Variants in PIP4K2A observed in about 807,000 individuals in gnomAD.
The protein encoded by PIP4K2A is phosphatidylinositol 5-phosphate 4-kinase type-2 alpha.
In PIP4K2A, 14 loss-of-function variants were observed where a neutral mutation model predicts 42.9. The observed-to-expected ratio is 0.33, with a 90% CI of 0.22 to 0.51. The LOEUF is 0.51. Ranked by LOEUF, PIP4K2A falls within the 20% of genes least tolerant of loss-of-function variation. The pLI is 0.97. For missense variants in PIP4K2A, 434 were observed against 519.8 expected, an observed-to-expected ratio of 0.83 and a Z score of 1.61; for synonymous variants, 192 against 192.2, an observed-to-expected ratio of 1.00 and a Z score of 0.01.
At chr10:22,610,455 G>A (rs1447836072) in intron 1 of PIP4K2A, among the ~76,000 whole-genome samples, 1 of 152,242 alleles carries the variant, frequency 6.6e-6, no homozygotes, top group Non-Finnish European at 1.5e-5. Context: ...TTTCCTTGTT[G>A]CTAGCAATAA....
chr10:22,647,861 C>T (rs1446350512), intron 1 of PIP4K2A, among the ~76,000 whole-genome samples: 2 of 152,138 alleles, frequency 1.3e-5, no homozygotes, highest in East Asian at 3.8e-4. Context: ...TCACCATTAG[C>T]CCTGGAAGCA....
At position 22,664,206 on chromosome 10, in the gene PIP4K2A, TATATATATATAC is replaced by T. The variant is rs1267052761; in HGVS notation, c.144+49965_144+49976del. ...ACATATATATACATATATATATACA[TATATATATATAC>T]ATATATATATACACACACACACACA... On this transcript the variant is annotated intron_variant, in intron 1 of 9. Transcript: ENST00000376573. Among the ~76,000 whole-genome samples, 47 of 45,948 alleles carry T rather than the reference TATATATATATAC, an allele frequency of 1.0e-3. 7 individuals are homozygous for T. Among genetic ancestry groups the T allele is most frequent in the African/African-American group, 5.8e-3 (45 of 7,732 alleles). 30.1% of individuals were successfully genotyped at this position (45,948 alleles called of 152,430 possible).
chr10:22,583,057 A>G (rs1332557978), intron 4 of PIP4K2A, among the ~76,000 whole-genome samples: 1 of 152,252 alleles, frequency 6.6e-6, no homozygotes, highest in Non-Finnish European at 1.5e-5. Context: ...CTTATTACTG[A>G]GATATGCAGA....
intron 7 of PIP4K2A, among the ~76,000 whole-genome samples, chr10:22,546,383 C>G (rs1375582527): frequency 3.3e-5 from 5 of 152,044 alleles, no homozygotes; most frequent in African/African-American, 9.7e-5. Context: ...TATGGAAAAG[C>G]CTGTTAATTC....
chr10:22,576,220 T>C (rs1449455310), intron 4 of PIP4K2A, among the ~76,000 whole-genome samples: 1 of 152,172 alleles, frequency 6.6e-6, no homozygotes, highest in Admixed American at 6.5e-5. Context: ...GGGGAAGCAC[T>C]GGGAAAAGGG....
intron 1 of PIP4K2A, among the ~76,000 whole-genome samples, chr10:22,627,894 T>C (rs1210469496): frequency 2.0e-5 from 3 of 152,172 alleles, no homozygotes; most frequent in Middle Eastern, 3.2e-3. Context: ...GAGAGAAAAG[T>C]TGGCCTATGG....
chr10:22,549,106 G>A (rs1588617830), intron 7 of PIP4K2A, among the ~76,000 whole-genome samples: 1 of 152,052 alleles, frequency 6.6e-6, no homozygotes, highest in East Asian at 1.9e-4. Flanking sequence ...CAATATATAG[G>A]TTCTAATCCA....
intron 9 of PIP4K2A, among the ~76,000 whole-genome samples, chr10:22,539,271 T>C (rs1457112998): frequency 6.6e-6 from 1 of 152,218 alleles, no homozygotes; most frequent in East Asian, 1.9e-4. Flanking sequence ...CCTGAAGCTA[T>C]TTTCCTCAGT....
rs368881753 is a variant in PIP4K2A, at chr10:22,622,455, G to A, written c.145-12738C>T. 5.2e-5 allele frequency among the ~76,000 whole-genome samples: 8 copies of A among 152,384 alleles called. No individual in the cohort carries two copies. The East Asian group carries it at 1.5e-3, about 29-fold the overall frequency. On this transcript the variant is annotated intron_variant, in intron 1 of 9. Transcript: ENST00000376573. ...GCGTCACGGAGCACGGGAGGAGCCA[G>A]TTACCATCTGTGCTCTGAGGCCTGG...
At chr10:22,562,930 C>T (rs1019000769) in intron 6 of PIP4K2A, among the ~76,000 whole-genome samples, 6 of 152,164 alleles carry the variant, frequency 3.9e-5, no homozygotes, top group Non-Finnish European at 7.3e-5. Context: ...CCAGGGAAAT[C>T]GCTGGGGACG....
chr10:22,582,194 G>C (rs12770214), intron 4 of PIP4K2A, among the ~76,000 whole-genome samples: 41,295 of 151,870 alleles, frequency 0.27, 5,974 homozygotes, highest in Non-Finnish European at 0.31. Context: ...ACTTTTTCCT[G>C]TACTACTGTG....
intron 7 of PIP4K2A, among the ~76,000 whole-genome samples, chr10:22,549,860 AAAAAAAAAAAAAAAG>A (rs2130758061): frequency 7.3e-6 from 1 of 137,688 alleles, no homozygotes; most frequent in Admixed American, 6.9e-5. Flanking sequence ...AAAAAAAAAA[AAAAAAAAAAAAAAAG>A]AAAGGAAAGA....
At chr10:22,669,825 A>G (rs538418855) in intron 1 of PIP4K2A, among the ~76,000 whole-genome samples, 7 of 152,332 alleles carry the variant, frequency 4.6e-5, no homozygotes, top group African/African-American at 1.7e-4. Flanking sequence ...TCTAGTCTGC[A>G]TATTTGTTTA....
At chr10:22,699,699 T>G (rs1350884368) in intron 1 of PIP4K2A, among the ~76,000 whole-genome samples, 1 of 152,170 alleles carries the variant, frequency 6.6e-6, no homozygotes, top group Admixed American at 6.5e-5. Flanking sequence ...ATTACATCTT[T>G]CTTTGGGAAA....
intron 7 of PIP4K2A, among the ~76,000 whole-genome samples, chr10:22,549,426 C>T (rs1588618036): frequency 1.3e-5 from 2 of 151,846 alleles, no homozygotes; most frequent in African/African-American, 2.4e-5. Flanking sequence ...CAGATCCGTA[C>T]TGGTGTGCCA....
chr10:22,706,544 T>C lies in PIP4K2A; in HGVS notation c.144+7639A>G, dbSNP rs551110361. On this transcript the variant is annotated intron_variant, in intron 1 of 9. Coordinates refer to ENST00000376573, the MANE Select transcript of PIP4K2A (RefSeq NM_005028.5). ...CGGTCTATTTAATACCTTCCACCCC[T>C]AGCATTCTGGACACTGTAGTTATTT... 7.3e-5 allele frequency among the ~76,000 whole-genome samples: 11 copies of C among 151,098 alleles called. No individual in the cohort carries two copies. In the East Asian group the frequency reaches 2.1e-3, roughly 29 times the overall value.
chr10:22,612,406 G>A (rs1838068709), intron 1 of PIP4K2A, among the ~76,000 whole-genome samples: 1 of 152,234 alleles, frequency 6.6e-6, no homozygotes, highest in Non-Finnish European at 1.5e-5. Flanking sequence ...CGTGGAGAAA[G>A]GAGAGGGCAG....
intron 1 of PIP4K2A, among the ~76,000 whole-genome samples, chr10:22,691,308 C>A: frequency 6.6e-6 from 1 of 152,108 alleles, no homozygotes; most frequent in Non-Finnish European, 1.5e-5. Flanking sequence ...GTTAAAAGGC[C>A]CGAAATGCTC....
intron 1 of PIP4K2A, among the ~76,000 whole-genome samples, chr10:22,663,870 T>C (rs1341198014): frequency 6.6e-6 from 1 of 150,848 alleles, no homozygotes; most frequent in East Asian, 1.9e-4. Context: ...TTTCCCCCCA[T>C]TTTGGCCATT....
Sources: allele counts gnomAD v4.1 joint callset (sites outside exome capture counted in the v4.1 genomes callset), GRCh38; gene constraint gnomAD v4.1.1; transcripts MANE v1.5; gene names NCBI Gene and HGNC (gene_info 2026-07-23, HGNC 2026-07-21).